IL1RAPL2: variants seen among roughly 807,000 people sequenced by gnomAD.
IL1RAPL2 encodes the protein interleukin 1 receptor accessory protein like 2.
Under a neutral mutation model 44.1 loss-of-function variants are expected in IL1RAPL2, and 3 were observed. The observed-to-expected ratio is 0.07, with a 90% CI of 0.03 to 0.18. The LOEUF (loss-of-function observed/expected upper bound fraction) is 0.18. Among genes scored for constraint, IL1RAPL2 ranks in the 10% least tolerant of loss-of-function variants. The pLI is 1.00. For missense variants in IL1RAPL2, 391 were observed against 496.4 expected, an observed-to-expected ratio of 0.79 and a Z score of 2.02; for synonymous variants, 181 against 178.8, an observed-to-expected ratio of 1.01 and a Z score of -0.10.
intron 6 of IL1RAPL2, among the ~76,000 whole-genome samples, chrX:105,539,255 G>A (rs2036701964): frequency 9.0e-6 from 1 of 111,177 alleles, no homozygotes; most frequent in South Asian, 3.8e-4. Context: ...AAACCCTGAG[G>A]CGTCACATTA....
intron 5 of IL1RAPL2, among the ~76,000 whole-genome samples, chrX:105,290,105 G>A (rs903317820): frequency 1.1e-4 from 12 of 111,191 alleles, no homozygotes; most frequent in African/African-American, 3.6e-4. Context: ...ATCCAATCTG[G>A]GTTCCTTTCA....
At chrX:104,909,184 TTCAGCTCCA>T (rs1355549983) in intron 2 of IL1RAPL2, among the ~76,000 whole-genome samples, 2 of 112,277 alleles carry the variant, frequency 1.8e-5, no homozygotes, top group Non-Finnish European at 3.8e-5. Context: ...AGCCTTGGTT[TTCAGCTCCA>T]TCAGCTCCTT....
At chrX:104,884,062 C>T (rs1043546721) in intron 2 of IL1RAPL2, among the ~76,000 whole-genome samples, 10 of 110,334 alleles carry the variant, frequency 9.1e-5, no homozygotes, top group African/African-American at 2.7e-4. Flanking sequence ...CAGTAAGGGC[C>T]GCTAAATCCG....
Position 104,839,556 on chromosome X carries a change from G to T in IL1RAPL2, c.82+180561G>T, listed in dbSNP as rs183221665. Among the ~76,000 whole-genome samples the T allele has an allele frequency of 3.0e-4, 33 of 111,523 alleles. 1 individual carries two copies. In the Admixed American group the frequency reaches 3.1e-3, roughly 11 times the overall value. On this transcript the variant is annotated intron_variant, in intron 2 of 10. Transcript: ENST00000372582. ...CATTTGCCTGAAATTTTCTTTTTTT[G>T]TTGTGTCTCTGCCAGGTTTTGGTAT...
At chrX:105,457,033 T>TACACACACACAC (rs58305468) in intron 5 of IL1RAPL2, among the ~76,000 whole-genome samples, 25 of 85,327 alleles carry the variant, frequency 2.9e-4, no homozygotes, top group African/African-American at 1.0e-3. Flanking sequence ...TCTAAAGTTA[T>TACACACACACAC]ACACACACAC....
intron 2 of IL1RAPL2, among the ~76,000 whole-genome samples, chrX:104,840,128 C>T (rs1921861769): frequency 1.8e-5 from 2 of 111,340 alleles, no homozygotes; most frequent in South Asian, 3.7e-4. Flanking sequence ...TTTGCTCTTG[C>T]TTCTCTAGTT....
chrX:104,820,847 A>T (rs1921283123), intron 2 of IL1RAPL2, among the ~76,000 whole-genome samples: 1 of 112,387 alleles, frequency 8.9e-6, no homozygotes, highest in Admixed American at 9.5e-5. Context: ...GATAACTGGC[A>T]AATGTTTGTA....
At chrX:105,119,598 A>G (rs1307549960) in intron 2 of IL1RAPL2, among the ~76,000 whole-genome samples, 1 of 88,079 alleles carries the variant, frequency 1.1e-5, no homozygotes, top group African/African-American at 4.2e-5. Flanking sequence ...TCGGTGCCCA[A>G]TAACTTCTGA....
At chrX:104,609,008 T>G (rs1187105392) in intron 1 of IL1RAPL2, among the ~76,000 whole-genome samples, 3 of 111,900 alleles carry the variant, frequency 2.7e-5, no homozygotes, top group African/African-American at 9.7e-5. Context: ...CCTTTCCATG[T>G]TTAGTGCTTC....
chrX:105,547,441 G>T (rs1358272535), intron 6 of IL1RAPL2, among the ~76,000 whole-genome samples: 1 of 111,936 alleles, frequency 8.9e-6, no homozygotes, highest in African/African-American at 3.2e-5. Context: ...CCCTAATTCA[G>T]CTGTTACTAT....
intron 2 of IL1RAPL2, among the ~76,000 whole-genome samples, chrX:104,947,734 C>T (rs146723258): frequency 0.023 from 2,507 of 111,286 alleles, 122 homozygotes; most frequent in East Asian, 0.22. Flanking sequence ...TGTAGATATG[C>T]GGTGTTATTT....
At chrX:105,612,261 A>G (rs1198612726) in intron 6 of IL1RAPL2, among the ~76,000 whole-genome samples, 2 of 110,475 alleles carry the variant, frequency 1.8e-5, no homozygotes, top group African/African-American at 6.6e-5. Context: ...GCATGCCACC[A>G]TGCTTAGCTA....
At chrX:105,506,008 C>A (rs2147784073) in intron 6 of IL1RAPL2, among the ~76,000 whole-genome samples, 1 of 111,237 alleles carries the variant, frequency 9.0e-6, no homozygotes, top group Non-Finnish European at 1.9e-5. Flanking sequence ...ACCTCGGACA[C>A]TCTATTGAGA....
intron 6 of IL1RAPL2, among the ~76,000 whole-genome samples, chrX:105,654,571 T>C (rs1321794723): frequency 8.9e-6 from 1 of 112,011 alleles, no homozygotes; most frequent in Non-Finnish European, 1.9e-5. Flanking sequence ...TATTTGACTA[T>C]TTTCAGTCAG....
intron 6 of IL1RAPL2, among the ~76,000 whole-genome samples, chrX:105,513,217 C>A (rs199762364): frequency 9.0e-6 from 1 of 111,293 alleles, no homozygotes; most frequent in Non-Finnish European, 1.9e-5. Context: ...TGAATAATGC[C>A]GCAATAAACA....
intron 1 of IL1RAPL2, among the ~76,000 whole-genome samples, chrX:104,640,084 CT>C (rs1047480906): frequency 1.8e-5 from 2 of 110,896 alleles, no homozygotes; most frequent in African/African-American, 6.6e-5. Context: ...TTCTATCTTT[CT>C]TTTTTTTCAC....
intron 5 of IL1RAPL2, among the ~76,000 whole-genome samples, chrX:105,429,200 C>A (rs1259594318): frequency 9.0e-6 from 1 of 111,600 alleles, no homozygotes; most frequent in African/African-American, 3.3e-5. Flanking sequence ...GTACATTGAT[C>A]AAAAATTGTG....
chrX:105,451,703 G>A (rs1182353069), intron 5 of IL1RAPL2, among the ~76,000 whole-genome samples: 1 of 111,684 alleles, frequency 9.0e-6, no homozygotes, highest in Non-Finnish European at 1.9e-5. Flanking sequence ...AAAAGATGAG[G>A]TATGTGTGCA....
chrX:105,097,343 A>C (rs2147558091), intron 2 of IL1RAPL2, among the ~76,000 whole-genome samples: 1 of 106,185 alleles, frequency 9.4e-6, no homozygotes, highest in East Asian at 3.0e-4. Context: ...AAAAAAAAAA[A>C]AAAAAAAAAA....
Sources: allele counts gnomAD v4.1 joint callset (sites outside exome capture counted in the v4.1 genomes callset), GRCh38; gene constraint gnomAD v4.1.1; transcripts MANE v1.5; gene names NCBI Gene and HGNC (gene_info 2026-07-23, HGNC 2026-07-21).